Variants in ADGRL3 observed in about 807,000 individuals in gnomAD.
The protein encoded by ADGRL3 is adhesion G protein-coupled receptor L3.
Under a neutral mutation model 153.5 loss-of-function variants are expected in ADGRL3, and 62 were observed. That is an observed-to-expected ratio of 0.40 (90% CI 0.33 to 0.50). ADGRL3 has a LOEUF of 0.50. Ranked by LOEUF, ADGRL3 falls within the 20% of genes least tolerant of loss-of-function variation. The pLI, the probability that ADGRL3 is intolerant of heterozygous loss-of-function variation, is 0.47. For synonymous variants in ADGRL3, 710 were observed against 672.5 expected, an observed-to-expected ratio of 1.06 and a Z score of -0.86; for missense variants, 1,641 against 1,859.4, an observed-to-expected ratio of 0.88 and a Z score of 2.16.
Position 61,736,602 on chromosome 4 carries a change from G to A in ADGRL3, c.1399+3048G>A, listed in dbSNP as rs191663538. Among the ~76,000 whole-genome samples, 181 of 152,250 alleles carry A rather than the reference G, an allele frequency of 1.2e-3. 2 individuals are homozygous for A. The highest frequency in any genetic ancestry group is 4.1e-3 in the African/African-American group (172 of 41,538). The stretch of plus-strand genomic sequence containing the variant: ...GAACCTGGGAGGCGGAGGTTGCAGC[G>A]AGCTGAGGTTGTGCCACTGCACGCC... On this transcript the variant is annotated intron_variant, in intron 8 of 26. Coordinates refer to ENST00000683033, the MANE Select transcript of ADGRL3 (RefSeq NM_001387552.1).
At chr4:61,904,154 G>T (rs2098682404) in intron 11 of ADGRL3, among the ~76,000 whole-genome samples, 1 of 136,458 alleles carries the variant, frequency 7.3e-6, no homozygotes, top group African/African-American at 2.7e-5. Context: ...AGGCTCTTTT[G>T]AAGGATTAAG....
In ADGRL3 at chr4:61,846,887, A is replaced by C. The variant is rs1050119219; in HGVS notation, c.1480+32998A>C. Among the ~76,000 whole-genome samples the C allele has an allele frequency of 2.7e-5, 4 of 150,764 alleles. 1 individual carries two copies. Among genetic ancestry groups the C allele is most frequent in the South Asian group, 4.2e-4 (2 of 4,804 alleles). ...GTGCCACATGCTTTCAAATGACGAG[A>C]TCTCATAAGAACTCATCATCACAAC... On this transcript the variant is annotated intron_variant, in intron 9 of 26. Coordinates refer to ENST00000683033, the MANE Select transcript of ADGRL3 (RefSeq NM_001387552.1).
chr4:61,365,264 T>A (rs2096374439), intron 1 of ADGRL3, among the ~76,000 whole-genome samples: 1 of 151,560 alleles, frequency 6.6e-6, no homozygotes. Flanking sequence ...AAAAAAAAAA[T>A]TGAATACAAT....
At chr4:61,760,256 G>A (rs929575832) in intron 8 of ADGRL3, among the ~76,000 whole-genome samples, 1 of 152,188 alleles carries the variant, frequency 6.6e-6, no homozygotes, top group Admixed American at 6.5e-5. Flanking sequence ...GCCCCCAGAG[G>A]TGGAGTCTAC....
intron 2 of ADGRL3, among the ~76,000 whole-genome samples, chr4:61,456,668 T>C (rs897277141): frequency 6.6e-6 from 1 of 151,410 alleles, no homozygotes; most frequent in African/African-American, 2.4e-5. Context: ...GATAAAACCA[T>C]GGGCGACCAT....
In ADGRL3 at chr4:61,733,348, A is replaced by G; in HGVS notation, c.1193A>G (p.Asp398Gly). ...LYVVKSVYED[D>G]DNEATGNKID... ...GTGGTCAAATCTGTATATGAGGATGATGACAATGAGGCTACTGGAAATAAG... is the reference window on the plus strand; with the variant it reads ...GTGGTCAAATCTGTATATGAGGATGGTGACAATGAGGCTACTGGAAATAAG... Residue 398 changes from aspartate to glycine, a missense_variant, in exon 8 of 27, where the codon GAT (aspartate) becomes GGT (glycine). Physicochemically the swap from Asp to Gly is moderately conservative, Grantham distance 94 (BLOSUM62 -1). This residue lies in a region of ADGRL3 where 734 missense variants were observed against 797.0 expected (regional missense o/e 0.92). Transcript: ENST00000683033. 6.2e-7 allele frequency: 1 copy of G among 1,613,722 alleles called. No individual in the cohort carries two copies. Among genetic ancestry groups the G allele is most frequent in the Non-Finnish European group, 8.5e-7 (1 of 1,179,808 alleles).
chr4:61,539,055 CA>C, intron 4 of ADGRL3, among the ~76,000 whole-genome samples: 1 of 152,298 alleles, frequency 6.6e-6, no homozygotes, highest in Non-Finnish European at 1.5e-5. Flanking sequence ...TGGCTACCAC[CA>C]AAATGGGCTC....
chr4:61,353,070 A>G lies in ADGRL3; in HGVS notation c.-239-30054A>G, dbSNP rs767676317. On this transcript the variant is annotated intron_variant, in intron 1 of 26. Coordinates refer to ENST00000683033, the MANE Select transcript of ADGRL3 (RefSeq NM_001387552.1). The stretch of plus-strand genomic sequence containing the variant: ...GGCTCAGTTACCGTATCTTAGGGAG[A>G]CAGGCCCAAGAATTTCCCAGAAGGA... Among the ~76,000 whole-genome samples, 156 of 152,252 alleles carry G rather than the reference A, an allele frequency of 1.0e-3. 1 individual carries two copies. The highest frequency in any genetic ancestry group is 1.8e-3 in the Admixed American group (28 of 15,298).
At chr4:61,674,146 T>TTAGA (rs34037060) in intron 5 of ADGRL3, among the ~76,000 whole-genome samples, 4,602 of 147,422 alleles carry the variant, frequency 0.031, 92 homozygotes, top group Middle Eastern at 0.046. Context: ...CGATGCATTT[T>TTAGA]TAGATAGATA....
intron 8 of ADGRL3, among the ~76,000 whole-genome samples, chr4:61,757,447 C>A (rs1269055806): frequency 6.6e-6 from 1 of 152,158 alleles, no homozygotes; most frequent in Non-Finnish European, 1.5e-5. Context: ...GTTTGTATTT[C>A]TGTGGGATCG....
chr4:61,279,952 T>C (rs192011750), intron 1 of ADGRL3, among the ~76,000 whole-genome samples: 46 of 152,238 alleles, frequency 3.0e-4, no homozygotes, highest in African/African-American at 1.0e-3. Context: ...TGGTTGAGAC[T>C]TCTATATCAA....
chr4:62,068,541 T>G (rs1006568156), intron 26 of ADGRL3, among the ~76,000 whole-genome samples: 3 of 152,190 alleles, frequency 2.0e-5, no homozygotes, highest in Non-Finnish European at 4.4e-5. Flanking sequence ...TTTATTTTAC[T>G]ATGGCTGTTT....
At chr4:61,546,803 G>T (rs891167944) in intron 4 of ADGRL3, among the ~76,000 whole-genome samples, 1 of 152,118 alleles carries the variant, frequency 6.6e-6, no homozygotes, top group Non-Finnish European at 1.5e-5. Flanking sequence ...AAAAAAAATT[G>T]AAGAAATAGT....
At chr4:61,374,335 A>G (rs1164907394) in intron 1 of ADGRL3, among the ~76,000 whole-genome samples, 4 of 152,114 alleles carry the variant, frequency 2.6e-5, no homozygotes, top group Non-Finnish European at 5.9e-5. Flanking sequence ...TCTTTGTTAG[A>G]ACTCTGTATA....
intron 19 of ADGRL3, among the ~76,000 whole-genome samples, chr4:61,994,319 T>C (rs2099114337): frequency 6.6e-6 from 1 of 151,962 alleles, no homozygotes; most frequent in Admixed American, 6.6e-5. Flanking sequence ...AGCTATTTTT[T>C]TTTTCTTTTC....
chr4:61,619,663 C>T (rs1176302821), intron 5 of ADGRL3, among the ~76,000 whole-genome samples: 1 of 152,168 alleles, frequency 6.6e-6, no homozygotes, highest in East Asian at 1.9e-4. Context: ...GTACTTCTAG[C>T]TAGTAATTGA....
At chr4:61,571,116 T>C (rs2098836775) in intron 4 of ADGRL3, among the ~76,000 whole-genome samples, 1 of 151,722 alleles carries the variant, frequency 6.6e-6, no homozygotes, top group Non-Finnish European at 1.5e-5. Context: ...AGACATAAAA[T>C]CCAAAGATTT....
intron 2 of ADGRL3, among the ~76,000 whole-genome samples, chr4:61,402,440 C>A (rs1485933246): frequency 1.3e-5 from 2 of 152,026 alleles, no homozygotes; most frequent in African/African-American, 4.8e-5. Flanking sequence ...CAATAAGTAG[C>A]ACTGTTTTAA....
rs554588548 is a variant in ADGRL3, at chr4:61,823,500, G to T, written c.1480+9611G>T. Among the ~76,000 whole-genome samples, 17 of 151,974 alleles carry T rather than the reference G, an allele frequency of 1.1e-4. No homozygotes were observed. The East Asian group carries it at 1.2e-3, about 10-fold the overall frequency. The stretch of plus-strand genomic sequence containing the variant: ...TTTTGAGTGGTATTAACATTTATTT[G>T]TTCCCAGCTCTATTCTAAGCACTTG... On this transcript the variant is annotated intron_variant, in intron 9 of 26. Coordinates refer to ENST00000683033, the MANE Select transcript of ADGRL3 (RefSeq NM_001387552.1).
Sources: allele counts gnomAD v4.1 joint callset (sites outside exome capture counted in the v4.1 genomes callset), GRCh38; gene constraint gnomAD v4.1.1; regional missense constraint gnomAD v4.1.1; transcripts MANE v1.5; gene names NCBI Gene and HGNC (gene_info 2026-07-23, HGNC 2026-07-21).